The following ZDHHC13 variants were observed in gnomAD, a reference collection of about 807,000 sequenced individuals.
ZDHHC13 encodes the protein palmitoyltransferase ZDHHC13.
A neutral mutation model predicts 86.0 loss-of-function variants in ZDHHC13; 85 were observed. The observed-to-expected ratio is 0.99, with a 90% CI of 0.83 to 1.18. ZDHHC13 has a LOEUF of 1.18. Ranked by LOEUF, ZDHHC13 falls within the 50% of genes most tolerant of loss-of-function variation. ZDHHC13 has a pLI of 0.00. For missense variants in ZDHHC13, 711 were observed against 730.2 expected (o/e 0.97, Z 0.30); for synonymous variants, 263 against 246.4 (o/e 1.07, Z -0.63).
chr11:19,164,328 T>C lies in ZDHHC13; in HGVS notation c.1261T>C (p.Ser421Pro). 6.2e-7 allele frequency: 1 copy of C among 1,613,254 alleles called. No individual in the cohort carries two copies. Among genetic ancestry groups the C allele is most frequent in the Non-Finnish European group, 8.5e-7 (1 of 1,179,524 alleles). The stretch of plus-strand genomic sequence containing the variant: ...TATCATCACCCTTGCAGAAACTGGC[T>C]CTCTGGACTTCAGAACATTTTGTAC... Reference protein sequence around the residue: ...VNIITLAETGSLDFRTFCTSC... With the variant: ...VNIITLAETGPLDFRTFCTSC... The change falls in exon 12 of 17, where the codon TCT (serine) becomes CCT (proline). Residue 421 changes from serine to proline, a missense_variant. By Grantham distance (74) the Ser-to-Pro change is moderately conservative. Transcript: ENST00000446113.
chr11:19,158,998 GT>G lies in ZDHHC13; in HGVS notation c.1072del (p.Trp358GlyfsTer4). On this transcript the variant is annotated frameshift_variant, in exon 10 of 17. Transcript: ENST00000446113. LOFTEE classifies it high-confidence loss of function. Reference protein sequence around the residue: ...YLPTAFLLSSVFWIFMTWFIL... With the variant: ...YLPTAFLLSSXFWIFMTWFIL... ...ACCAACAGCCTTTCTGCTAAGTTCT[GT>G]TTTTTGGATATTTATGACTTGGTTC... 1 of 1,548,710 alleles carries G rather than the reference GT, an allele frequency of 6.5e-7. No homozygotes were observed. Among genetic ancestry groups the G allele is most frequent in the Non-Finnish European group, 8.7e-7 (1 of 1,145,720 alleles).
intron 1 of ZDHHC13, among the ~76,000 whole-genome samples, chr11:19,138,491 G>A (rs1275141980): frequency 6.6e-6 from 1 of 151,660 alleles, no homozygotes; most frequent in Non-Finnish European, 1.5e-5. Flanking sequence ...GGTACAAGGA[G>A]GAACTGGTAC....
intron 10 of ZDHHC13, 23 bp from the exon 11 acceptor site, chr11:19,163,280 G>A (rs367630794): frequency 1.3e-6 from 2 of 1,564,004 alleles, no homozygotes; most frequent in Non-Finnish European, 1.7e-6. Context: ...GAAGTTTGGT[G>A]TATTCCTTAA....
chr11:19,133,905 T>C (rs949761527), intron 1 of ZDHHC13, among the ~76,000 whole-genome samples: 4 of 68,830 alleles, frequency 5.8e-5, no homozygotes, highest in Admixed American at 1.8e-4. Context: ...TTCTTTACTC[T>C]TTACGAAAGA....
In ZDHHC13 at chr11:19,117,551, G is replaced by A; in HGVS notation, c.27+275G>A. ...GGGCGCCCCCTGGGGCCGGTACCCG[G>A]AGCCCGGCGGGGACCTCTGTGGGCC... is the stretch of plus-strand genomic sequence containing the variant. On this transcript the variant is annotated intron_variant, in intron 1 of 16. Coordinates refer to ENST00000446113, the MANE Select transcript of ZDHHC13 (RefSeq NM_019028.3). The surrounding 1 kb of genome is among the most constrained non-coding windows in gnomAD (Gnocchi z 4.2). 1 of 389,490 alleles carries A rather than the reference G, an allele frequency of 2.6e-6. No homozygotes were observed. The highest frequency in any genetic ancestry group is 4.6e-6 in the Non-Finnish European group (1 of 219,408). 24.1% of individuals were successfully genotyped at this position (389,490 alleles called of 1,614,324 possible).
chr11:19,141,767 T>G (rs769964975), intron 1 of ZDHHC13, among the ~76,000 whole-genome samples: 89 of 151,936 alleles, frequency 5.9e-4, no homozygotes, highest in Admixed American at 2.8e-3. Flanking sequence ...TCAAATTAGT[T>G]TGAATGACAA....
chr11:19,163,629 A>G (rs1565039994), intron 11 of ZDHHC13, among the ~76,000 whole-genome samples: 1 of 152,146 alleles, frequency 6.6e-6, no homozygotes, highest in African/African-American at 2.4e-5. Context: ...TTCTGTTGAA[A>G]TAATACCCCA....
At chr11:19,150,447 A>G (rs1205682231) in intron 5 of ZDHHC13, among the ~76,000 whole-genome samples, 1 of 152,080 alleles carries the variant, frequency 6.6e-6, no homozygotes, top group Non-Finnish European at 1.5e-5. Flanking sequence ...CTTGTATTTG[A>G]TGGTAGCTAT....
At chr11:19,122,646 A>C (rs1164040462) in intron 1 of ZDHHC13, among the ~76,000 whole-genome samples, 9 of 152,222 alleles carry the variant, frequency 5.9e-5, no homozygotes. Flanking sequence ...TTGGCATATC[A>C]ATAAATGAGA....
At chr11:19,126,766 C>A (rs368920900) in intron 1 of ZDHHC13, among the ~76,000 whole-genome samples, 1 of 152,182 alleles carries the variant, frequency 6.6e-6, no homozygotes, top group South Asian at 2.1e-4. Flanking sequence ...CAGCTCCATT[C>A]GTATTCCTGC....
intron 9 of ZDHHC13, among the ~76,000 whole-genome samples, chr11:19,156,270 T>C (rs1849754798): frequency 6.6e-6 from 1 of 152,222 alleles, no homozygotes; most frequent in South Asian, 2.1e-4. Context: ...TTTTTGCTCA[T>C]TTTTCAGAAA....
intron 1 of ZDHHC13, among the ~76,000 whole-genome samples, chr11:19,133,612 G>C (rs1350144421): frequency 6.6e-6 from 1 of 152,058 alleles, no homozygotes; most frequent in Non-Finnish European, 1.5e-5. Flanking sequence ...AAGCTTGTAA[G>C]TCTAATGTTA....
intron 13 of ZDHHC13, 83 bp from the exon 14 acceptor site, chr11:19,166,219 A>G (rs924495872): frequency 1.8e-6 from 2 of 1,102,162 alleles, no homozygotes; most frequent in African/African-American, 3.2e-5. Flanking sequence ...AAGACTTTTG[A>G]CAGGAAAGTG....
chr11:19,123,966 G>T (rs1254860531), intron 1 of ZDHHC13, among the ~76,000 whole-genome samples: 1 of 152,056 alleles, frequency 6.6e-6, no homozygotes, highest in Non-Finnish European at 1.5e-5. Context: ...CTGTGAATTG[G>T]GGAGAGTATT....
chr11:19,154,896 T>G (rs539189893), intron 8 of ZDHHC13, among the ~76,000 whole-genome samples: 1 of 152,320 alleles, frequency 6.6e-6, no homozygotes, highest in Admixed American at 6.5e-5. Context: ...CTTTGGGATG[T>G]TATTCACTCA....
In ZDHHC13 at chr11:19,166,349, A is replaced by G. The variant is rs1590090517; in HGVS notation, c.1438A>G (p.Met480Val). Reference sequence around the variant, plus strand: ...CATATTCTTCTTGTTTTTCCTTTCCATGGTATGTGGCTGGATTATATATGG... The same window carrying G: ...CATATTCTTCTTGTTTTTCCTTTCCGTGGTATGTGGCTGGATTATATATGG... ...YYIFFLFFLS[M>V]VCGWIIYGSF... The change falls in exon 14 of 17, where the codon ATG (methionine) becomes GTG (valine). Residue 480 changes from methionine (M) to valine (V), a missense_variant. Coordinates refer to ENST00000446113, the MANE Select transcript of ZDHHC13 (RefSeq NM_019028.3). 3 of 1,612,454 alleles carry G rather than the reference A, an allele frequency of 1.9e-6. No individual in the cohort carries two copies. The highest frequency in any genetic ancestry group is 1.7e-6 in the Non-Finnish European group (2 of 1,179,480).
intron 1 of ZDHHC13, among the ~76,000 whole-genome samples, chr11:19,132,324 A>G (rs1364583611): frequency 6.6e-6 from 1 of 152,150 alleles, no homozygotes; most frequent in East Asian, 1.9e-4. Flanking sequence ...GATATAGTTC[A>G]TCCCTACTTC....
At chr11:19,130,835 A>G (rs1190985489) in intron 1 of ZDHHC13, among the ~76,000 whole-genome samples, 2 of 148,762 alleles carry the variant, frequency 1.3e-5, no homozygotes, top group African/African-American at 2.5e-5. Context: ...TGATTTTTCC[A>G]GACTGGTTTT....
intron 2 of ZDHHC13, among the ~76,000 whole-genome samples, chr11:19,145,686 A>G (rs547301998): frequency 1.3e-5 from 2 of 152,368 alleles, no homozygotes; most frequent in South Asian, 2.1e-4. Flanking sequence ...CCTATAAAAT[A>G]TAGCTTAGTT....
Sources: allele counts gnomAD v4.1 joint callset (sites outside exome capture counted in the v4.1 genomes callset), GRCh38; gene constraint gnomAD v4.1.1; non-coding constraint Gnocchi (gnomAD v3.1); transcripts MANE v1.5; gene names NCBI Gene and HGNC (gene_info 2026-07-23, HGNC 2026-07-21).